SGMS1: variants seen among roughly 807,000 people sequenced by gnomAD.
The protein encoded by SGMS1 is phosphatidylcholine:ceramide cholinephosphotransferase 1.
A neutral mutation model predicts 46.2 loss-of-function variants in SGMS1; 13 were observed. The ratio of observed to expected loss-of-function variants is 0.28; its 90% CI spans 0.18 to 0.45. SGMS1 has a LOEUF of 0.45. SGMS1 is among the 20% of genes least tolerant of loss of function. The pLI is 1.00. For missense variants in SGMS1, 324 were observed against 519.9 expected (o/e 0.62, Z 3.66); for synonymous variants, 203 against 187.8 (o/e 1.08, Z -0.66).
At chr10:50,436,346 A>C (rs987141467) in intron 5 of SGMS1, among the ~76,000 whole-genome samples, 1 of 152,060 alleles carries the variant, frequency 6.6e-6, no homozygotes, top group African/African-American at 2.4e-5. Flanking sequence ...TGACCTCATG[A>C]TCTGCCCACC....
intron 1 of SGMS1, among the ~76,000 whole-genome samples, chr10:50,611,120 G>A (rs1838745578): frequency 6.6e-6 from 1 of 152,174 alleles, no homozygotes; most frequent in African/African-American, 2.4e-5. Context: ...CAGAAAACTG[G>A]GTACAGATAG....
intron 4 of SGMS1, among the ~76,000 whole-genome samples, chr10:50,465,494 A>T (rs766182500): frequency 2.0e-5 from 3 of 152,226 alleles, no homozygotes; most frequent in Non-Finnish European, 4.4e-5. Context: ...AAAACAAAAT[A>T]TCCATAGACC....
chr10:50,581,428 A>G (rs1838433408), intron 2 of SGMS1, among the ~76,000 whole-genome samples: 1 of 152,204 alleles, frequency 6.6e-6, no homozygotes, highest in African/African-American at 2.4e-5. Flanking sequence ...AACCAACAAA[A>G]TAACTCAGAG....
At chr10:50,597,314 A>T (rs1268629029) in intron 1 of SGMS1, among the ~76,000 whole-genome samples, 2 of 152,236 alleles carry the variant, frequency 1.3e-5, no homozygotes, top group Non-Finnish European at 2.9e-5. Context: ...AACTGCATAA[A>T]CTGAAAATAT....
At chr10:50,407,737 A>G (rs1401150092) in intron 6 of SGMS1, among the ~76,000 whole-genome samples, 1 of 152,178 alleles carries the variant, frequency 6.6e-6, no homozygotes, top group Non-Finnish European at 1.5e-5. Flanking sequence ...CTTGAAAGCC[A>G]TCATGTACTT....
At position 50,396,873 on chromosome 10, in the gene SGMS1, G is replaced by A. The variant is rs540053757; in HGVS notation, c.-232+36603C>T. On this transcript the variant is annotated intron_variant, in intron 6 of 10. Coordinates refer to ENST00000361781, the MANE Select transcript of SGMS1 (RefSeq NM_147156.4). The stretch of plus-strand genomic sequence containing the variant: ...CCTCCCCTCAATGCATCCCAACAGC[G>A]GCAGCCTCCAGTGTTCTGTTAAAAA... Among the ~76,000 whole-genome samples, 7 of 152,136 alleles carry A rather than the reference G, an allele frequency of 4.6e-5. No individual in the cohort carries two copies. In the East Asian group the frequency reaches 1.4e-3, roughly 29 times the overall value.
At chr10:50,612,269 C>G (rs569530993) in intron 1 of SGMS1, among the ~76,000 whole-genome samples, 1 of 152,330 alleles carries the variant, frequency 6.6e-6, no homozygotes, top group African/African-American at 2.4e-5. Flanking sequence ...CATAGAATAC[C>G]TGCATGAAAC....
intron 8 of SGMS1, among the ~76,000 whole-genome samples, chr10:50,316,787 G>C (rs966788872): frequency 1.3e-5 from 2 of 152,102 alleles, no homozygotes; most frequent in African/African-American, 4.8e-5. Flanking sequence ...AGGAGGAATG[G>C]TAGAATCCTC....
chr10:50,352,532 G>A (rs962081995), intron 6 of SGMS1, among the ~76,000 whole-genome samples: 2 of 152,274 alleles, frequency 1.3e-5, no homozygotes, highest in Middle Eastern at 3.4e-3. Context: ...CACAAAATTT[G>A]AGACACAGAA....
intron 1 of SGMS1, among the ~76,000 whole-genome samples, chr10:50,612,120 T>C (rs183540899): frequency 4.4e-4 from 67 of 152,354 alleles, no homozygotes; most frequent in African/African-American, 1.5e-3. Context: ...AGGGCTTTTT[T>C]CTTCAATCCC....
At chr10:50,408,334 G>A (rs1849046515) in intron 6 of SGMS1, among the ~76,000 whole-genome samples, 1 of 150,686 alleles carries the variant, frequency 6.6e-6, no homozygotes, top group Non-Finnish European at 1.5e-5. Context: ...CAGGTGCAGT[G>A]GCTCACGCCT....
chr10:50,463,312 C>T (rs954171544), intron 4 of SGMS1, among the ~76,000 whole-genome samples: 1 of 152,044 alleles, frequency 6.6e-6, no homozygotes, highest in African/African-American at 2.4e-5. Flanking sequence ...AGAATGCCCA[C>T]AATTCAACAA....
Position 50,344,055 on chromosome 10 carries a change from A to G in SGMS1, c.60T>C (p.Ala20=). The G allele has an allele frequency of 6.2e-7, 1 of 1,614,132 alleles. No homozygotes were observed. The change falls in exon 7 of 11, where the codon GCT becomes GCC. Residue 20 remains alanine (A), a synonymous_variant. Coordinates refer to ENST00000361781, the MANE Select transcript of SGMS1 (RefSeq NM_147156.4). ...CCAGAGGCTCACAGTATTCTGGCATAGCATTCTCCAGCAGCCAGTCTGCCA... is the reference window on the plus strand; with the variant it reads ...CCAGAGGCTCACAGTATTCTGGCATGGCATTCTCCAGCAGCCAGTCTGCCA... The part of the protein sequence containing the change: ...KKVADWLLEN[A]MPEYCEPLEH...
chr10:50,386,687 C>G (rs920812384), intron 6 of SGMS1, among the ~76,000 whole-genome samples: 11 of 152,050 alleles, frequency 7.2e-5, no homozygotes, highest in African/African-American at 2.7e-4. Flanking sequence ...TTTCAGAGGC[C>G]CAAATTGCCT....
chr10:50,493,877 A>T (rs112924808), intron 3 of SGMS1, among the ~76,000 whole-genome samples: 27,609 of 152,152 alleles, frequency 0.18, 2,692 homozygotes, highest in Admixed American at 0.23. Flanking sequence ...GACTCACTGT[A>T]GCCTCCACCT....
chr10:50,313,914 T>C (rs1321713894), intron 8 of SGMS1, among the ~76,000 whole-genome samples: 3 of 152,146 alleles, frequency 2.0e-5, no homozygotes, highest in African/African-American at 4.8e-5. Context: ...TATCTTCCTA[T>C]GTTTATCAAA....
chr10:50,559,585 G>A (rs1188805821), intron 2 of SGMS1, among the ~76,000 whole-genome samples: 1 of 152,146 alleles, frequency 6.6e-6, no homozygotes, highest in Non-Finnish European at 1.5e-5. Context: ...CCAGGGTCAC[G>A]CAGATCTAAG....
chr10:50,367,612 A>G (rs1309375879), intron 6 of SGMS1, among the ~76,000 whole-genome samples: 4 of 151,352 alleles, frequency 2.6e-5, no homozygotes, highest in Non-Finnish European at 5.9e-5. Context: ...CTAGATCTCC[A>G]CACCAGTCCC....
At chr10:50,337,617 A>G (rs1309676194) in intron 7 of SGMS1, among the ~76,000 whole-genome samples, 1 of 152,218 alleles carries the variant, frequency 6.6e-6, no homozygotes, top group African/African-American at 2.4e-5. Flanking sequence ...TTAATGTGAA[A>G]AGAAACACTG....
Sources: gnomAD v4.1 joint callset for allele counts (sites outside exome capture counted in the v4.1 genomes callset) on GRCh38, gnomAD v4.1.1 for gene constraint, MANE v1.5 for transcripts, NCBI Gene and HGNC (gene_info 2026-07-23, HGNC 2026-07-21) for gene names.